MRPL3: variants seen among roughly 807,000 people sequenced by gnomAD.
MRPL3 encodes the protein mitochondrial ribosomal protein L3, also known as large ribosomal subunit protein uL3m.
MRPL3 carries 43 observed loss-of-function variants against 44.3 expected under a neutral mutation model. The ratio of observed to expected loss-of-function variants is 0.97; its 90% CI spans 0.76 to 1.25. MRPL3 has a LOEUF of 1.25. Ranked by LOEUF, MRPL3 falls within the 50% of genes most tolerant of loss-of-function variation. MRPL3 has a pLI of 0.00. For synonymous variants in MRPL3, 171 were observed against 152.3 expected (o/e 1.12, Z -0.91); for missense variants, 406 against 427.6 (o/e 0.95, Z 0.45).
At position 131,502,715 on chromosome 3, in the gene MRPL3, C is replaced by T. The variant is rs898180988; in HGVS notation, c.92+15G>A. 2.5e-6 allele frequency: 4 copies of T among 1,601,280 alleles called. No homozygotes were observed. In the African/African-American group the frequency reaches 5.4e-5, roughly 21 times the overall value. On this transcript the variant is annotated intron_variant, in intron 1 of 9. Transcript: ENST00000264995. Reference sequence around the variant, plus strand: ...GACGCAACTGTGCAGGTAGGACACCCTCACACCTTCCTACCTGTTCCCCGG... The same window carrying T: ...GACGCAACTGTGCAGGTAGGACACCTTCACACCTTCCTACCTGTTCCCCGG...
intron 4 of MRPL3, among the ~76,000 whole-genome samples, chr3:131,494,140 A>G (rs1160904848): frequency 2.6e-5 from 4 of 152,234 alleles, no homozygotes; most frequent in Non-Finnish European, 4.4e-5. Context: ...CCTACAACAA[A>G]TGCCAAGAAG....
At chr3:131,464,566 G>A (rs2110692771) in intron 9 of MRPL3, among the ~76,000 whole-genome samples, 1 of 152,122 alleles carries the variant, frequency 6.6e-6, no homozygotes, top group South Asian at 2.1e-4. Context: ...AAAATGTGGG[G>A]GAAGGACAGA....
At chr3:131,466,337 T>C (rs1933600211) in intron 9 of MRPL3, among the ~76,000 whole-genome samples, 1 of 152,110 alleles carries the variant, frequency 6.6e-6, no homozygotes, top group Non-Finnish European at 1.5e-5. Flanking sequence ...ACATAACTTC[T>C]AATACAAACT....
chr3:131,500,490 C>T lies in MRPL3; in HGVS notation c.309G>A (p.Lys103=). Residue 103 remains lysine (K), a synonymous_variant, in exon 3 of 10, where the codon AAG becomes AAA. Coordinates refer to ENST00000264995, the MANE Select transcript of MRPL3 (RefSeq NM_007208.4). ...GSFRVGLIAL[K]LGMMPLWTKD... ...TGGTCCATAAAGGCATCATGCCCAG[C>T]TTCAAGGCAATAAGACCAACTCTAA... 6.2e-7 allele frequency: 1 copy of T among 1,613,878 alleles called. No homozygotes were observed.
Position 131,498,288 on chromosome 3 carries a change from AAACATAAAAAAACT to A in MRPL3, c.370-25_370-12del. ...ATGACAGTCTTGTACCTAAAAAAAC[AAACATAAAAAAACT>A]AAGCATGTGCCAATATATATTTTAA... On this transcript the variant is annotated splice_polypyrimidine_tract_variant and intron_variant, in intron 3 of 9. Coordinates refer to ENST00000264995, the MANE Select transcript of MRPL3 (RefSeq NM_007208.4). The A allele has an allele frequency of 3.3e-6, 5 of 1,502,410 alleles. No homozygotes were observed. Among genetic ancestry groups the A allele is most frequent in the Non-Finnish European group, 4.6e-6 (5 of 1,081,694 alleles). The allele number at this position is 1,502,410 out of a possible 1,614,324, so 93.1% of individuals were successfully genotyped here.
intron 6 of MRPL3, among the ~76,000 whole-genome samples, chr3:131,486,369 A>C (rs1934120453): frequency 6.9e-6 from 1 of 145,756 alleles, no homozygotes; most frequent in African/African-American, 2.5e-5. Context: ...CACGGCAAAA[A>C]AAAAAAAAAA....
At chr3:131,474,831 G>A (rs150196488) in intron 6 of MRPL3, among the ~76,000 whole-genome samples, 69 of 149,604 alleles carry the variant, frequency 4.6e-4, no homozygotes, top group Non-Finnish European at 7.5e-4. Flanking sequence ...GAGTGCAGTG[G>A]TACAGTGATA....
intron 5 of MRPL3, among the ~76,000 whole-genome samples, chr3:131,489,116 C>T (rs919399591): frequency 1.3e-5 from 2 of 152,002 alleles, no homozygotes; most frequent in Non-Finnish European, 2.9e-5. Flanking sequence ...TTAAAAAGTG[C>T]TTCAGAACTG....
At chr3:131,462,911 A>C in intron 9 of MRPL3, 36 bp from the exon 10 acceptor site, 1 of 1,569,464 alleles carries the variant, frequency 6.4e-7, no homozygotes, top group African/African-American at 1.4e-5. Flanking sequence ...AAACCAATTA[A>C]GTTCTTTAAA....
chr3:131,502,949 G>T lies in MRPL3; in HGVS notation c.-128C>A, dbSNP rs770141624. On this transcript the variant is annotated 5_prime_UTR_variant, in exon 1 of 10. Coordinates refer to ENST00000264995, the MANE Select transcript of MRPL3 (RefSeq NM_007208.4). ...AAGTTTTCGCAATGGCCGCCGGAAC[G>T]GTCGCCGGCCGATGCTCTCTGCGAC... The T allele has an allele frequency of 5.7e-5, 49 of 865,902 alleles. No individual in the cohort carries two copies. The highest frequency in any genetic ancestry group is 7.1e-5 in the Non-Finnish European group (38 of 531,882). 53.6% of individuals were successfully genotyped at this position (865,902 alleles called of 1,614,324 possible). A position where few individuals can be genotyped will look rare whatever the true frequency, so the allele number is the denominator to read the frequency against.
In MRPL3 at chr3:131,500,536, C is replaced by A; in HGVS notation, c.278-15G>T. 1 of 1,604,246 alleles carries A rather than the reference C, an allele frequency of 6.2e-7. No individual in the cohort carries two copies. Among genetic ancestry groups the A allele is most frequent in the South Asian group, 1.1e-5 (1 of 90,730 alleles). On this transcript the variant is annotated splice_polypyrimidine_tract_variant and intron_variant, in intron 2 of 9. Transcript: ENST00000264995. ...TCTAAAGGAACCTGGCAATTAAAAC[C>A]AAAGCAATGTGAACAAAAGCTTTTG...
chr3:131,480,251 G>A (rs185454876), intron 6 of MRPL3, among the ~76,000 whole-genome samples: 7 of 152,176 alleles, frequency 4.6e-5, no homozygotes, highest in South Asian at 4.2e-4. Flanking sequence ...TGTAAAGTGC[G>A]GCAGTCAATT....
At chr3:131,491,526 T>C (rs1934256303) in intron 4 of MRPL3, among the ~76,000 whole-genome samples, 1 of 152,156 alleles carries the variant, frequency 6.6e-6, no homozygotes, top group African/African-American at 2.4e-5. Flanking sequence ...AAAACTGAAC[T>C]CAACTCCCTT....
At chr3:131,478,882 G>T (rs1433628467) in intron 6 of MRPL3, among the ~76,000 whole-genome samples, 1 of 151,832 alleles carries the variant, frequency 6.6e-6, no homozygotes, top group African/African-American at 2.4e-5. Flanking sequence ...TAGTAGAGAT[G>T]AAGTTTCGCT....
Position 131,462,662 on chromosome 3 carries a change from GA to G in MRPL3, c.*60del. 6.8e-7 allele frequency: 1 copy of G among 1,463,492 alleles called. No homozygotes were observed. Among genetic ancestry groups the G allele is most frequent in the Non-Finnish European group, 9.2e-7 (1 of 1,081,306 alleles). The allele number at this position is 1,463,492 out of a possible 1,614,324, so 90.7% of individuals were successfully genotyped here. A position where few individuals can be genotyped will look rare whatever the true frequency, so the allele number is the denominator to read the frequency against. On this transcript the variant is annotated 3_prime_UTR_variant, in exon 10 of 10. Transcript: ENST00000264995. Reference sequence around the variant, plus strand: ...GGAGAGTATGATTTCTGGTGGTTATGATATCACTCTGGCTCATCGAAGCTCA... The same window carrying G: ...GGAGAGTATGATTTCTGGTGGTTATGTATCACTCTGGCTCATCGAAGCTCA...
chr3:131,476,920 T>C (rs1582706262), intron 6 of MRPL3, among the ~76,000 whole-genome samples: 1 of 152,186 alleles, frequency 6.6e-6, no homozygotes, highest in African/African-American at 2.4e-5. Flanking sequence ...TATTGTATAA[T>C]GGGCATGCCT....
chr3:131,501,016 G>T (rs963801), intron 2 of MRPL3, among the ~76,000 whole-genome samples: 1 of 152,060 alleles, frequency 6.6e-6, no homozygotes, highest in African/African-American at 2.4e-5. Context: ...AGAAGTTTTG[G>T]TAACTATCCA....
At chr3:131,487,993 A>C (rs996307321) in intron 5 of MRPL3, among the ~76,000 whole-genome samples, 1 of 152,240 alleles carries the variant, frequency 6.6e-6, no homozygotes, top group Admixed American at 6.5e-5. Context: ...GCTGTCAAAC[A>C]TATAAATTTG....
At chr3:131,489,759 A>G (rs1934207034) in intron 5 of MRPL3, among the ~76,000 whole-genome samples, 1 of 151,846 alleles carries the variant, frequency 6.6e-6, no homozygotes, top group Admixed American at 6.6e-5. Context: ...CTCTCTCTAC[A>G]TTAAAAACAA....
Sources: allele counts gnomAD v4.1 joint callset (sites outside exome capture counted in the v4.1 genomes callset), GRCh38; gene constraint gnomAD v4.1.1; transcripts MANE v1.5; gene names NCBI Gene and HGNC (gene_info 2026-07-23, HGNC 2026-07-21).